Variants in IPO9 observed in about 807,000 individuals in gnomAD.
IPO9 encodes importin 9, also known as importin-9.
A neutral mutation model predicts 128.6 loss-of-function variants in IPO9; 28 were observed. The ratio of observed to expected loss-of-function variants is 0.22; its 90% confidence interval spans 0.16 to 0.30. The LOEUF (loss-of-function observed/expected upper bound fraction) is 0.30, where lower values mean the gene tolerates loss of function less well. IPO9 is among the 10% of genes least tolerant of loss of function. The pLI is 1.00. For synonymous variants in IPO9, 455 were observed against 475.8 expected, an observed-to-expected ratio of 0.96 and a Z score of 0.57; for missense variants, 935 against 1,293.9, an observed-to-expected ratio of 0.72 and a Z score of 4.26.
intron 5 of IPO9, 42 bp downstream of exon 5, chr1:201,852,234 T>A: frequency 2.3e-6 from 3 of 1,289,984 alleles, no homozygotes; most frequent in Non-Finnish European, 3.4e-6. Context: ...GTTCAGGCTC[T>A]CTTCAGCCCC....
intron 3 of IPO9, 111 bp from the exon 4 acceptor site, chr1:201,848,282 A>G (rs998946131): frequency 1.2e-6 from 1 of 852,764 alleles, no homozygotes; most frequent in Non-Finnish European, 1.9e-6. Context: ...TTTTCTGTAG[A>G]CATGCAGTAC....
chr1:201,854,750 G>C, intron 7 of IPO9, 36 bp downstream of exon 7: 2 of 1,610,820 alleles, frequency 1.2e-6, no homozygotes, highest in Non-Finnish European at 1.7e-6. Context: ...TTTGGAGTTT[G>C]AGGGGCTGGT....
Position 201,857,005 on chromosome 1 carries a change from A to C in IPO9, c.1123-91A>C. 4.6e-6 allele frequency: 4 copies of C among 868,802 alleles called. No homozygotes were observed. The East Asian group carries it at 9.8e-5, about 21-fold the overall frequency. The allele number at this position is 868,802 out of a possible 1,614,324, so 53.8% of individuals were successfully genotyped here. Reference sequence around the variant, plus strand: ...TCCAGCAAAAGGCTAGAGTTTTTTCAGGATAATAGGTTGAAATCTTCCTGT... The same window carrying C: ...TCCAGCAAAAGGCTAGAGTTTTTTCCGGATAATAGGTTGAAATCTTCCTGT... On this transcript the variant is annotated intron_variant, in intron 10 of 23. Coordinates refer to ENST00000361565, the MANE Select transcript of IPO9 (RefSeq NM_018085.5).
intron 1 of IPO9, among the ~76,000 whole-genome samples, chr1:201,831,716 G>T (rs1013685886): frequency 1.3e-5 from 2 of 152,090 alleles, no homozygotes; most frequent in African/African-American, 4.8e-5. Flanking sequence ...TTCTTTACAT[G>T]AAAACATAGA....
At position 201,860,215 on chromosome 1, in the gene IPO9, G is replaced by A. The variant is rs571992206; in HGVS notation, c.1468+1221G>A. On this transcript the variant is annotated intron_variant, in intron 13 of 23. Transcript: ENST00000361565. ...TACTTCCTCTCCATAGGATAGTTCT[G>A]GGAGTAGCTTATGTCATTTGAAAAT... Among the ~76,000 whole-genome samples, 4 of 152,248 alleles carry A rather than the reference G, an allele frequency of 2.6e-5. No homozygotes were observed. In the South Asian group the frequency reaches 8.3e-4, roughly 32 times the overall value.
At chr1:201,840,981 C>G (rs559564577) in intron 1 of IPO9, among the ~76,000 whole-genome samples, 1 of 152,188 alleles carries the variant, frequency 6.6e-6, no homozygotes, top group East Asian at 1.9e-4. Flanking sequence ...AGAAGTGGCA[C>G]TTCTTGGAAT....
Position 201,848,567 on chromosome 1 carries a change from G to A in IPO9, c.487G>A (p.Val163Ile), listed in dbSNP as rs757892876. The A allele has an allele frequency of 5.6e-6, 9 of 1,614,066 alleles. No homozygotes were observed. Among genetic ancestry groups the A allele is most frequent in the Non-Finnish European group, 7.6e-6 (9 of 1,180,012 alleles). ...GTTGGTGAGCGGAGACTTAAATGCC[G>A]TCCATGGAGCCATGCGTGTGCTGAC... is the stretch of plus-strand genomic sequence containing the variant. ...EMLVSGDLNA[V>I]HGAMRVLTEF... Residue 163 changes from valine (V) to isoleucine (I), a missense_variant, in exon 4 of 24, where the codon GTC becomes ATC. By Grantham distance (29) the Val-to-Ile change is conservative. Coordinates refer to ENST00000361565, the MANE Select transcript of IPO9 (RefSeq NM_018085.5).
chr1:201,829,221 G>A lies in IPO9; in HGVS notation c.12G>A (p.Ala4=), dbSNP rs745315487. 4.5e-6 allele frequency: 7 copies of A among 1,557,548 alleles called. No individual in the cohort carries two copies. The African/African-American group carries it at 5.7e-5, about 13-fold the overall frequency. The change falls in exon 1 of 24, where the codon GCG becomes GCA. Residue 4 remains alanine, a synonymous_variant. Coordinates refer to ENST00000361565, the MANE Select transcript of IPO9 (RefSeq NM_018085.5). ...TGAGGGGAGAAAAGATGGCGGCGGCGGCGGCAGCTGGTGCGGCCTCCGGGC... is the reference window on the plus strand; with the variant it reads ...TGAGGGGAGAAAAGATGGCGGCGGCAGCGGCAGCTGGTGCGGCCTCCGGGC... MAA[A]AAAGAASGLP... is the part of the protein sequence containing the mutation.
At chr1:201,853,350 C>G (rs951318933) in intron 6 of IPO9, among the ~76,000 whole-genome samples, 4 of 151,722 alleles carry the variant, frequency 2.6e-5, no homozygotes, top group Non-Finnish European at 4.4e-5. Context: ...CCCCTGACCC[C>G]CAGTAGGAAC....
At chr1:201,863,372 T>C in intron 13 of IPO9, 76 bp from the exon 14 acceptor site, 2 of 1,422,084 alleles carry the variant, frequency 1.4e-6, no homozygotes, top group Non-Finnish European at 1.9e-6. Flanking sequence ...AATTGAGGAA[T>C]GAATGTGGGA....
In IPO9 at chr1:201,869,695, A is replaced by G. The variant is rs1303436329; in HGVS notation, c.2110A>G (p.Thr704Ala). The change falls in exon 17 of 24, where the codon ACA becomes GCA. Residue 704 changes from threonine (T) to alanine (A), a missense_variant. Transcript: ENST00000361565. ...TGCTGTGGCACAGTGTACCCTTCAC[A>G]CAGATGACAATGCCACCATGCAGGT... The part of the protein sequence containing the change: ...FPAVAQCTLH[T>A]DDNATMQNGG... 6.2e-7 allele frequency: 1 copy of G among 1,614,170 alleles called. No individual in the cohort carries two copies. Among genetic ancestry groups the G allele is most frequent in the South Asian group, 1.1e-5 (1 of 91,074 alleles).
intron 1 of IPO9, among the ~76,000 whole-genome samples, chr1:201,845,023 G>C (rs952828418): frequency 7.1e-6 from 1 of 140,432 alleles, no homozygotes; most frequent in Non-Finnish European, 1.6e-5. Context: ...ATTTTTTTTG[G>C]GAGGGGGGGG....
At chr1:201,861,686 G>A (rs747424010) in intron 13 of IPO9, among the ~76,000 whole-genome samples, 5 of 152,146 alleles carry the variant, frequency 3.3e-5, no homozygotes, top group Non-Finnish European at 7.3e-5. Context: ...AGTGTTTTCC[G>A]TCAACAAGAT....
intron 16 of IPO9, among the ~76,000 whole-genome samples, chr1:201,869,250 AAAAG>A (rs1007264462): frequency 3.9e-5 from 6 of 152,104 alleles, no homozygotes; most frequent in South Asian, 2.1e-4. Flanking sequence ...GACTGCCTCA[AAAAG>A]AAAGAAAGAA....
rs1324103553 is a variant in IPO9, at chr1:201,876,310, T to C, written c.*256T>C. The C allele has an allele frequency of 1.7e-6, 1 of 588,626 alleles. No individual in the cohort carries two copies. The highest frequency in any genetic ancestry group is 3.2e-5 in the East Asian group (1 of 31,562). 36.5% of individuals were successfully genotyped at this position (588,626 alleles called of 1,614,324 possible). On this transcript the variant is annotated 3_prime_UTR_variant, in exon 24 of 24. Coordinates refer to ENST00000361565, the MANE Select transcript of IPO9 (RefSeq NM_018085.5). ...CTAGAACCTTTTTTCTCCCCGACTC[T>C]ACCCCCACCTCTGTTCCTAGAGCCC...
chr1:201,866,392 A>G (rs1680554377), intron 14 of IPO9, among the ~76,000 whole-genome samples: 2 of 152,130 alleles, frequency 1.3e-5, no homozygotes, highest in South Asian at 4.2e-4. Context: ...AAAACTATAG[A>G]GGGAACTTTA....
At position 201,876,491 on chromosome 1, in the gene IPO9, C is replaced by T; in HGVS notation, c.*437C>T. 2 of 301,086 alleles carry T rather than the reference C, an allele frequency of 6.6e-6. No homozygotes were observed. Among genetic ancestry groups the T allele is most frequent in the Non-Finnish European group, 1.3e-5 (2 of 151,782 alleles). The allele number at this position is 301,086 out of a possible 1,614,324, so 18.7% of individuals were successfully genotyped here. ...CTTCTGATGTGTTCAGATAGGAATC[C>T]TCATGAGAGATCATTATGCTTTGTG... On this transcript the variant is annotated 3_prime_UTR_variant, in exon 24 of 24. Transcript: ENST00000361565.
chr1:201,875,866 T>G, intron 23 of IPO9, 78 bp from the exon 24 acceptor site: 1 of 865,230 alleles, frequency 1.2e-6, no homozygotes, highest in Non-Finnish European at 2.0e-6. Context: ...CCCTGTGCCA[T>G]TTGATTGTGG....
rs749403935 is a variant in IPO9, at chr1:201,829,389, C to CGTCACGAGGATGGCTCAGCCGCACA, written c.163+18_163+42dup. 4.5e-6 allele frequency: 7 copies of CGTCACGAGGATGGCTCAGCCGCACA among 1,545,348 alleles called. No individual in the cohort carries two copies. In the Admixed American group the frequency reaches 8.0e-5, roughly 18 times the overall value. On this transcript the variant is annotated intron_variant, in intron 1 of 23. Transcript: ENST00000361565. ...TGACGGAGGGTGAGTGAGGCGGGAC[C>CGTCACGAGGATGGCTCAGCCGCACA]GTCACGAGGATGGCTCAGCCGCACA...
Sources: gnomAD v4.1 joint callset for allele counts (sites outside exome capture counted in the v4.1 genomes callset) on GRCh38, gnomAD v4.1.1 for gene constraint, MANE v1.5 for transcripts, NCBI Gene and HGNC (gene_info 2026-07-23, HGNC 2026-07-21) for gene names.